The following FGF12 variants were observed in gnomAD, a reference collection of about 807,000 sequenced individuals.
FGF12 encodes fibroblast growth factor 12B.
A neutral mutation model predicts 23.6 loss-of-function variants in FGF12; 14 were observed. The ratio of observed to expected loss-of-function variants is 0.59; its 90% CI spans 0.39 to 0.93. The LOEUF (loss-of-function observed/expected upper bound fraction) is 0.93, where lower values mean the gene tolerates loss of function less well. Among genes scored for constraint, FGF12 ranks in the 40% least tolerant of loss-of-function variants. The pLI is 0.00. For synonymous variants in FGF12, 62 were observed against 77.3 expected, an observed-to-expected ratio of 0.80 and a Z score of 1.04; for missense variants, 175 against 217.8, an observed-to-expected ratio of 0.80 and a Z score of 1.24.
At chr3:192,549,518 A>C (rs1725578690) in intron 2 of FGF12, among the ~76,000 whole-genome samples, 1 of 152,198 alleles carries the variant, frequency 6.6e-6, no homozygotes. Flanking sequence ...TTGAAAATAG[A>C]AAAAAGGAAA....
intron 2 of FGF12, among the ~76,000 whole-genome samples, chr3:192,716,769 C>T (rs965462176): frequency 1.3e-5 from 2 of 152,116 alleles, no homozygotes; most frequent in Non-Finnish European, 2.9e-5. Flanking sequence ...CTAGAAAGAG[C>T]GTCATTGTAC....
At chr3:192,254,020 AT>A (rs1212891028) in intron 4 of FGF12, among the ~76,000 whole-genome samples, 1 of 151,952 alleles carries the variant, frequency 6.6e-6, no homozygotes, top group African/African-American at 2.4e-5. Flanking sequence ...TCACATACTT[AT>A]TTTTTTGAGA....
At position 192,139,404 on chromosome 3, in the gene FGF12, G is replaced by A. The variant is rs1316870894; in HGVS notation, c.*4605C>T. ...GAAAACAATGATTTGAATAATCTGT[G>A]CTTTAATGGAAAAATGAAACATTAA... On this transcript the variant is annotated 3_prime_UTR_variant, in exon 6 of 6. Coordinates refer to ENST00000445105, the MANE Select transcript of FGF12 (RefSeq NM_004113.6). The A allele has an allele frequency of 6.6e-6, 1 of 152,090 alleles. No individual in the cohort carries two copies. The highest frequency in any genetic ancestry group is 1.5e-5 in the Non-Finnish European group (1 of 67,996). 9.4% of individuals were successfully genotyped at this position (152,090 alleles called of 1,614,324 possible).
At chr3:192,484,971 G>T (rs1230324613) in intron 2 of FGF12, among the ~76,000 whole-genome samples, 1 of 146,964 alleles carries the variant, frequency 6.8e-6, no homozygotes, top group East Asian at 2.0e-4. Context: ...TCAATGCCTG[G>T]ATTTTAAATT....
chr3:192,367,399 C>T (rs1719030627), intron 2 of FGF12, among the ~76,000 whole-genome samples: 2 of 152,136 alleles, frequency 1.3e-5, no homozygotes. Context: ...TGATTCTTGT[C>T]AAGGGCTTCG....
intron 3 of FGF12, among the ~76,000 whole-genome samples, chr3:192,357,934 A>C (rs760704131): frequency 2.6e-5 from 4 of 152,222 alleles, no homozygotes; most frequent in Non-Finnish European, 5.9e-5. Context: ...CAATGATTAT[A>C]CACAAAAAGG....
chr3:192,299,081 C>A (rs1163790189), intron 4 of FGF12, among the ~76,000 whole-genome samples: 1 of 152,156 alleles, frequency 6.6e-6, no homozygotes, highest in Non-Finnish European at 1.5e-5. Context: ...AATTTCAACA[C>A]CTGATTTGAA....
intron 2 of FGF12, among the ~76,000 whole-genome samples, chr3:192,656,892 T>C (rs1379796616): frequency 6.6e-6 from 1 of 152,168 alleles, no homozygotes; most frequent in Non-Finnish European, 1.5e-5. Flanking sequence ...TATATACTAA[T>C]TGGCAAGTAC....
At chr3:192,463,769 C>T (rs550902591) in intron 2 of FGF12, among the ~76,000 whole-genome samples, 154 of 152,214 alleles carry the variant, frequency 1.0e-3, no homozygotes, top group Admixed American at 2.0e-3. Flanking sequence ...GGATTTAGTC[C>T]CTTAACTCAC....
intron 4 of FGF12, among the ~76,000 whole-genome samples, chr3:192,264,062 TC>T (rs376009652): frequency 1.9e-3 from 291 of 152,170 alleles, no homozygotes; most frequent in Non-Finnish European, 3.4e-3. Flanking sequence ...AACACTGTTT[TC>T]CCCTAGGAAA....
At chr3:192,323,056 A>G (rs1716633147) in intron 4 of FGF12, among the ~76,000 whole-genome samples, 1 of 152,220 alleles carries the variant, frequency 6.6e-6, no homozygotes, top group Non-Finnish European at 1.5e-5. Context: ...GCTGTTATCC[A>G]AAAGACAGGC....
chr3:192,588,210 T>C lies in FGF12; in HGVS notation c.13+138971A>G, dbSNP rs546505683. On this transcript the variant is annotated intron_variant, in intron 2 of 5. Coordinates refer to ENST00000445105, the MANE Select transcript of FGF12 (RefSeq NM_004113.6). ...AAAAAAATACAAAAAATTAGCCGGG[T>C]GTGGTGGCGGGCTCCTGTAGTCCCA... 3.4e-3 allele frequency among the ~76,000 whole-genome samples: 495 copies of C among 147,032 alleles called. 7 individuals carry two copies. The highest frequency in any genetic ancestry group is 5.4e-3 in the Non-Finnish European group (360 of 66,576).
At position 192,507,036 on chromosome 3, in the gene FGF12, C is replaced by T. The variant is rs573259679; in HGVS notation, c.14-146498G>A. 5.3e-4 allele frequency among the ~76,000 whole-genome samples: 80 copies of T among 151,934 alleles called. No individual in the cohort carries two copies. In the Middle Eastern group the frequency reaches 0.01, roughly 19 times the overall value. The stretch of plus-strand genomic sequence containing the variant: ...CCTCCCAAGTAGCTGGGACTACAGG[C>T]GCCTGCCACCACGCCCGGCTAATTT... On this transcript the variant is annotated intron_variant, in intron 2 of 5. Transcript: ENST00000445105.
intron 2 of FGF12, among the ~76,000 whole-genome samples, chr3:192,483,327 C>T (rs1723533697): frequency 6.6e-6 from 1 of 152,120 alleles, no homozygotes; most frequent in Non-Finnish European, 1.5e-5. Flanking sequence ...AGCTGTCATC[C>T]TTCATTCTCT....
At chr3:192,193,816 G>A (rs746701825) in intron 4 of FGF12, among the ~76,000 whole-genome samples, 1 of 151,332 alleles carries the variant, frequency 6.6e-6, no homozygotes, top group Non-Finnish European at 1.5e-5. Context: ...ATTTGTATAT[G>A]TACCATCAGC....
At chr3:192,337,155 T>C (rs1411236656) in intron 3 of FGF12, among the ~76,000 whole-genome samples, 9 of 152,142 alleles carry the variant, frequency 5.9e-5, no homozygotes, top group Non-Finnish European at 1.2e-4. Context: ...TGGAATAATA[T>C]GATACAGTGT....
intron 3 of FGF12, among the ~76,000 whole-genome samples, chr3:192,338,185 G>C (rs1717508582): frequency 6.6e-6 from 1 of 151,994 alleles, no homozygotes. Flanking sequence ...TGGAGTGCAA[G>C]CAATTCTCCT....
intron 4 of FGF12, among the ~76,000 whole-genome samples, chr3:192,194,469 G>C (rs1203134505): frequency 6.6e-6 from 1 of 152,122 alleles, no homozygotes; most frequent in Admixed American, 6.6e-5. Flanking sequence ...TAATACCATA[G>C]AGCTATACAT....
At chr3:192,675,524 C>T (rs559148444) in intron 2 of FGF12, among the ~76,000 whole-genome samples, 2 of 152,232 alleles carry the variant, frequency 1.3e-5, no homozygotes, top group African/African-American at 2.4e-5. Flanking sequence ...ACATATGGCT[C>T]TCATCCTTAA....
Sources: allele counts gnomAD v4.1 joint callset (sites outside exome capture counted in the v4.1 genomes callset), GRCh38; gene constraint gnomAD v4.1.1; transcripts MANE v1.5; gene names NCBI Gene and HGNC (gene_info 2026-07-23, HGNC 2026-07-21).